Variants in CHCHD3 observed in about 807,000 individuals in gnomAD.
CHCHD3 encodes the protein coiled-coil-helix-coiled-coil-helix domain containing 3, also known as MICOS complex subunit MIC19.
Under a neutral mutation model 38.2 loss-of-function variants are expected in CHCHD3, and 20 were observed. The observed-to-expected ratio is 0.52, with a 90% CI of 0.37 to 0.76. The LOEUF (loss-of-function observed/expected upper bound fraction) is 0.76, where lower values mean the gene tolerates loss of function less well. CHCHD3 is among the 30% of genes least tolerant of loss of function. The probability of loss-of-function intolerance (pLI) is 0.00; values close to 1 mark genes in which losing one functional copy is unlikely to be tolerated. For synonymous variants in CHCHD3, 82 were observed against 100.0 expected, an observed-to-expected ratio of 0.82 and a Z score of 1.07; for missense variants, 245 against 279.2, an observed-to-expected ratio of 0.88 and a Z score of 0.87.
At chr7:133,003,573 A>C (rs898018151) in intron 3 of CHCHD3, among the ~76,000 whole-genome samples, 14 of 152,206 alleles carry the variant, frequency 9.2e-5, no homozygotes, top group Non-Finnish European at 1.6e-4. Flanking sequence ...GACAGTGGAA[A>C]AGCACCATTT....
chr7:132,841,956 G>A (rs1202950867), intron 5 of CHCHD3, among the ~76,000 whole-genome samples: 1 of 152,070 alleles, frequency 6.6e-6, no homozygotes, highest in Admixed American at 6.5e-5. Flanking sequence ...AAATTAGCCA[G>A]GCGTGGTGGC....
At chr7:132,861,008 G>C (rs926937977) in intron 5 of CHCHD3, among the ~76,000 whole-genome samples, 5 of 152,184 alleles carry the variant, frequency 3.3e-5, no homozygotes, top group Non-Finnish European at 7.3e-5. Flanking sequence ...AGACAGACAA[G>C]GGAGTGATTA....
At chr7:132,863,933 G>A (rs1442479444) in intron 5 of CHCHD3, among the ~76,000 whole-genome samples, 1 of 152,178 alleles carries the variant, frequency 6.6e-6, no homozygotes, top group East Asian at 1.9e-4. Flanking sequence ...GTGGCTTAAG[G>A]GAATGTTGTG....
intron 5 of CHCHD3, among the ~76,000 whole-genome samples, chr7:132,867,893 T>C (rs1808670876): frequency 1.3e-5 from 2 of 152,082 alleles, no homozygotes; most frequent in African/African-American, 4.8e-5. Flanking sequence ...GCAGAGTGGG[T>C]GTTCACAGTG....
intron 2 of CHCHD3, among the ~76,000 whole-genome samples, chr7:133,037,769 C>T (rs536152687): frequency 1.4e-4 from 21 of 152,134 alleles, no homozygotes; most frequent in African/African-American, 3.4e-4. Context: ...GCCGAGAACA[C>T]GCCACTGCAC....
intron 6 of CHCHD3, among the ~76,000 whole-genome samples, chr7:132,829,920 CT>C (rs1489186455): frequency 6.6e-6 from 1 of 152,158 alleles, no homozygotes; most frequent in Non-Finnish European, 1.5e-5. Flanking sequence ...CTGCCCTGCC[CT>C]TTTCTGCAGG....
intron 2 of CHCHD3, among the ~76,000 whole-genome samples, chr7:133,056,945 T>A (rs965429258): frequency 1.4e-5 from 2 of 145,296 alleles, no homozygotes; most frequent in Admixed American, 6.6e-5. Flanking sequence ...ATGAGCTCAC[T>A]CTCTCTCTCT....
chr7:132,963,953 T>C (rs966683744), intron 4 of CHCHD3, among the ~76,000 whole-genome samples: 1 of 152,232 alleles, frequency 6.6e-6, no homozygotes, highest in African/African-American at 2.4e-5. Context: ...ATTTTTTGTT[T>C]CCTTTTTTGT....
At chr7:132,901,143 C>T (rs545318009) in intron 4 of CHCHD3, among the ~76,000 whole-genome samples, 1 of 152,214 alleles carries the variant, frequency 6.6e-6, no homozygotes, top group Non-Finnish European at 1.5e-5. Flanking sequence ...TCCCAGTTTT[C>T]CCCAAACCCG....
At chr7:132,963,153 A>AT (rs1554394783) in intron 4 of CHCHD3, among the ~76,000 whole-genome samples, 3 of 146,392 alleles carry the variant, frequency 2.0e-5, no homozygotes, top group African/African-American at 4.9e-5. Context: ...AATAAAAAAA[A>AT]AAATATATAT....
intron 4 of CHCHD3, among the ~76,000 whole-genome samples, chr7:132,936,452 G>A (rs1457189120): frequency 2.6e-5 from 4 of 152,148 alleles, no homozygotes; most frequent in Admixed American, 1.3e-4. Flanking sequence ...TTAAGACACA[G>A]CAAGGTCAGG....
chr7:133,079,247 C>G (rs993309585), intron 1 of CHCHD3, among the ~76,000 whole-genome samples: 5 of 152,208 alleles, frequency 3.3e-5, no homozygotes, highest in Admixed American at 6.5e-5. Context: ...CTATTATTCA[C>G]AAGTGCAAAC....
chr7:132,820,431 A>T (rs1182256844), intron 6 of CHCHD3, among the ~76,000 whole-genome samples: 1 of 152,090 alleles, frequency 6.6e-6, no homozygotes, highest in African/African-American at 2.4e-5. Context: ...AACAGGAGGG[A>T]CTGGAAGGGA....
Position 132,788,424 on chromosome 7 carries a change from A to T in CHCHD3, c.661-2764T>A, listed in dbSNP as rs1806379142. Among the ~76,000 whole-genome samples the T allele has an allele frequency of 1.3e-5, 2 of 152,340 alleles. No homozygotes were observed. The highest frequency in any genetic ancestry group is 1.3e-4 in the Admixed American group (2 of 15,306). On this transcript the variant is annotated intron_variant, in intron 7 of 7. Coordinates refer to ENST00000262570, the MANE Select transcript of CHCHD3 (RefSeq NM_017812.4). This position sits in a 1 kb window ranked among gnomAD's most constrained non-coding sequence, Gnocchi z 4.0. ...CAATTTTGGGCTTAGGGTTACAAGG[A>T]TAACCACATGACAATGTACCTCCTT...
chr7:132,989,133 T>C (rs1282785210), intron 3 of CHCHD3, among the ~76,000 whole-genome samples: 1 of 152,092 alleles, frequency 6.6e-6, no homozygotes, highest in East Asian at 1.9e-4. Context: ...TTGGAATCCT[T>C]AGGGATCCTG....
chr7:132,854,056 G>C (rs570357782), intron 5 of CHCHD3, among the ~76,000 whole-genome samples: 59 of 152,258 alleles, frequency 3.9e-4, no homozygotes, highest in Non-Finnish European at 6.5e-4. Context: ...GAGTAAATGA[G>C]GAAATGGGTT....
intron 2 of CHCHD3, among the ~76,000 whole-genome samples, chr7:133,065,954 T>C (rs1270656332): frequency 6.6e-6 from 1 of 152,154 alleles, no homozygotes; most frequent in Admixed American, 6.5e-5. Flanking sequence ...CTATGAGCCT[T>C]GTTGAGTCTT....
At chr7:133,053,056 A>G (rs753731220) in intron 2 of CHCHD3, among the ~76,000 whole-genome samples, 5 of 152,002 alleles carry the variant, frequency 3.3e-5, no homozygotes, top group Admixed American at 1.3e-4. Flanking sequence ...AGCTCCTATC[A>G]CTCTAAACTT....
At chr7:132,990,317 C>T (rs1812241600) in intron 3 of CHCHD3, among the ~76,000 whole-genome samples, 2 of 152,186 alleles carry the variant, frequency 1.3e-5, no homozygotes. Flanking sequence ...ATGGGCACTG[C>T]TGCTATGTAT....
Sources: gnomAD v4.1 joint callset for allele counts (sites outside exome capture counted in the v4.1 genomes callset) on GRCh38, gnomAD v4.1.1 for gene constraint, Gnocchi (gnomAD v3.1) non-coding constraint, MANE v1.5 for transcripts, NCBI Gene and HGNC (gene_info 2026-07-23, HGNC 2026-07-21) for gene names.